SND1: variants seen among roughly 807,000 people sequenced by gnomAD.
SND1 encodes staphylococcal nuclease and tudor domain containing 1.
Under a neutral mutation model 121.7 loss-of-function variants are expected in SND1, and 38 were observed. The ratio of observed to expected loss-of-function variants is 0.31; its 90% confidence interval spans 0.24 to 0.41. SND1 has a LOEUF of 0.41. SND1 is among the 10% of genes least tolerant of loss of function. The pLI, the probability that SND1 is intolerant of heterozygous loss-of-function variation, is 1.00. For missense variants in SND1, 868 were observed against 1,184.6 expected (o/e 0.73, Z 3.92); for synonymous variants, 401 against 447.4 (o/e 0.90, Z 1.31).
At chr7:127,852,610 G>A (rs1009795568) in intron 12 of SND1, among the ~76,000 whole-genome samples, 7 of 152,148 alleles carry the variant, frequency 4.6e-5, no homozygotes, top group African/African-American at 1.7e-4. Context: ...AGGAGTTCAA[G>A]ACCAGCCTGC....
intron 16 of SND1, among the ~76,000 whole-genome samples, chr7:128,040,358 G>C (rs1416726006): frequency 6.7e-6 from 1 of 150,328 alleles, no homozygotes; most frequent in Non-Finnish European, 1.5e-5. Flanking sequence ...GCTTGAGCCT[G>C]GGAGGAGGAG....
intron 11 of SND1, among the ~76,000 whole-genome samples, chr7:127,830,313 G>A (rs1324572499): frequency 1.3e-5 from 2 of 152,078 alleles, no homozygotes; most frequent in Non-Finnish European, 2.9e-5. Flanking sequence ...AACCCAGGAG[G>A]CAGAGGTTGC....
At chr7:127,865,781 CTTT>C (rs111595150) in intron 12 of SND1, among the ~76,000 whole-genome samples, 1 of 142,130 alleles carries the variant, frequency 7.0e-6, no homozygotes. Context: ...ATTTATTTAT[CTTT>C]TTTTTTTTTT....
chr7:127,733,942 A>G (rs1796726446), intron 10 of SND1, among the ~76,000 whole-genome samples: 1 of 152,084 alleles, frequency 6.6e-6, no homozygotes, highest in Non-Finnish European at 1.5e-5. Flanking sequence ...GATGTAGTTC[A>G]TAAGCTACTT....
intron 11 of SND1, among the ~76,000 whole-genome samples, chr7:127,819,784 A>G (rs944809156): frequency 1.1e-4 from 17 of 152,184 alleles, no homozygotes; most frequent in African/African-American, 3.9e-4. Context: ...GGGTTCCAAA[A>G]GTTTAATCTT....
chr7:128,076,767 GGAAGTGCA>G (rs1321655641), intron 17 of SND1, among the ~76,000 whole-genome samples: 1 of 152,218 alleles, frequency 6.6e-6, no homozygotes, highest in Non-Finnish European at 1.5e-5. Flanking sequence ...TGTGAGACCA[GGAAGTGCA>G]GAAGGCTTTA....
intron 15 of SND1, among the ~76,000 whole-genome samples, chr7:127,943,480 G>C (rs774030980): frequency 1.3e-5 from 2 of 152,224 alleles, no homozygotes; most frequent in African/African-American, 4.8e-5. Context: ...ATTGTTTGCT[G>C]TGCCCTTCTG....
intron 1 of SND1, among the ~76,000 whole-genome samples, chr7:127,673,170 TA>T (rs1213379989): frequency 6.9e-6 from 1 of 143,942 alleles, no homozygotes; most frequent in African/African-American, 2.6e-5. Flanking sequence ...ATATATCATA[TA>T]TAAACATATA....
intron 9 of SND1, among the ~76,000 whole-genome samples, chr7:127,710,573 G>A (rs1796280801): frequency 1.3e-5 from 2 of 151,892 alleles, no homozygotes; most frequent in Admixed American, 1.3e-4. Context: ...TCTTTTGTGT[G>A]TAATTTTTAA....
At chr7:127,835,686 T>A (rs1798855240) in intron 11 of SND1, among the ~76,000 whole-genome samples, 1 of 152,160 alleles carries the variant, frequency 6.6e-6, no homozygotes, top group Non-Finnish European at 1.5e-5. Context: ...CACATTATAC[T>A]TTTTAAGTAT....
chr7:127,861,560 C>T (rs12706818), intron 12 of SND1, among the ~76,000 whole-genome samples: 33,903 of 152,000 alleles, frequency 0.22, 4,244 homozygotes, highest in Middle Eastern at 0.32. Context: ...CTGCAACCTC[C>T]GACTCCCAGG....
intron 16 of SND1, among the ~76,000 whole-genome samples, chr7:128,037,585 C>T (rs879416338): frequency 6.6e-6 from 1 of 152,214 alleles, no homozygotes; most frequent in Admixed American, 6.5e-5. Flanking sequence ...AACTCAACCA[C>T]TGTGATGCTG....
intron 16 of SND1, among the ~76,000 whole-genome samples, chr7:128,003,940 C>T (rs1041146917): frequency 3.9e-5 from 6 of 152,220 alleles, no homozygotes; most frequent in South Asian, 4.1e-4. Context: ...GGGCTGCAGA[C>T]GTGGCCATTT....
intron 10 of SND1, among the ~76,000 whole-genome samples, chr7:127,747,175 C>T (rs968252301): frequency 2.0e-5 from 3 of 152,094 alleles, no homozygotes; most frequent in African/African-American, 4.8e-5. Flanking sequence ...CTTTCCAGGT[C>T]GACCAAGTTC....
At chr7:128,069,671 T>G (rs1248370006) in intron 16 of SND1, among the ~76,000 whole-genome samples, 2 of 152,244 alleles carry the variant, frequency 1.3e-5, no homozygotes, top group African/African-American at 4.8e-5. Context: ...GTTGAAGCAT[T>G]TATGTGCTAA....
At chr7:127,912,787 A>G (rs562043503) in intron 14 of SND1, among the ~76,000 whole-genome samples, 11 of 152,348 alleles carry the variant, frequency 7.2e-5, no homozygotes, top group African/African-American at 1.7e-4. Context: ...ATAGTGGGCA[A>G]TAAAGGATTA....
chr7:127,970,242 T>C (rs1329336073), intron 15 of SND1, among the ~76,000 whole-genome samples: 1 of 152,174 alleles, frequency 6.6e-6, no homozygotes, highest in Non-Finnish European at 1.5e-5. Context: ...CTAAGTAATA[T>C]AAAGTTCATT....
chr7:127,917,486 T>G (rs1800608405), intron 14 of SND1, among the ~76,000 whole-genome samples: 2 of 152,202 alleles, frequency 1.3e-5, no homozygotes, highest in South Asian at 4.1e-4. Flanking sequence ...TGTGTGGTTT[T>G]TGTTTGTTTT....
intron 18 of SND1, among the ~76,000 whole-genome samples, chr7:128,082,159 C>T (rs912883669): frequency 2.6e-5 from 4 of 152,306 alleles, no homozygotes; most frequent in East Asian, 1.9e-4. Context: ...CTCTGGCAGC[C>T]GCTAGCCCGA....
Sources: gnomAD v4.1 joint callset for allele counts (sites outside exome capture counted in the v4.1 genomes callset) on GRCh38, gnomAD v4.1.1 for gene constraint, MANE v1.5 for transcripts, NCBI Gene and HGNC (gene_info 2026-07-23, HGNC 2026-07-21) for gene names.